KALRN: variants seen among roughly 807,000 people sequenced by gnomAD.
The protein encoded by KALRN is kalirin.
A neutral mutation model predicts 353.7 loss-of-function variants in KALRN; 70 were observed. The ratio of observed to expected loss-of-function variants is 0.20; its 90% CI spans 0.16 to 0.24. The LOEUF (loss-of-function observed/expected upper bound fraction) is 0.24. KALRN is among the 10% of genes least tolerant of loss of function. The pLI is 1.00. For synonymous variants in KALRN, 1,391 were observed against 1,434.8 expected (o/e 0.97, Z 0.69); for missense variants, 2,791 against 3,756.7 (o/e 0.74, Z 6.72).
chr3:124,576,279 G>T (rs1410475450), intron 34 of KALRN, among the ~76,000 whole-genome samples: 2 of 151,846 alleles, frequency 1.3e-5, no homozygotes, highest in Non-Finnish European at 2.9e-5. Context: ...ACCAATACAG[G>T]GATTTTGTCT....
intron 33 of KALRN, among the ~76,000 whole-genome samples, chr3:124,550,478 G>C (rs777446547): frequency 1.3e-5 from 2 of 152,114 alleles, no homozygotes; most frequent in Non-Finnish European, 1.5e-5. Context: ...GCCACCTACT[G>C]TATGCAATTT....
At position 124,528,204 on chromosome 3, in the gene KALRN, G is replaced by T. The variant is rs77910646; in HGVS notation, c.4935+31791G>T. Among the ~76,000 whole-genome samples the T allele has an allele frequency of 1.8e-4, 27 of 152,294 alleles. No homozygotes were observed. In the East Asian group the frequency reaches 5.0e-3, roughly 28 times the overall value. ...AATGCCTGCATGGAGACCCACCATG[G>T]TAACTAGTACAAGGACAGAGAAAGT... On this transcript the variant is annotated intron_variant, in intron 33 of 59. Transcript: ENST00000682506.
chr3:124,673,972 T>C lies in KALRN; in HGVS notation c.6943-392T>C, dbSNP rs111337320. On this transcript the variant is annotated intron_variant, in intron 48 of 59. Coordinates refer to ENST00000682506, the MANE Select transcript of KALRN (RefSeq NM_001388419.1). ...CCGTGTTCTTTCCATTGAAGGATTG[T>C]GACCCCTGACATGACACTTGCCCTG... Among the ~76,000 whole-genome samples the C allele has an allele frequency of 4.0e-3, 616 of 152,276 alleles. 3 individuals carry two copies. The highest frequency in any genetic ancestry group is 0.014 in the Middle Eastern group (4 of 294).
intron 5 of KALRN, among the ~76,000 whole-genome samples, chr3:124,294,797 C>T (rs553074365): frequency 6.6e-6 from 1 of 152,060 alleles, no homozygotes; most frequent in African/African-American, 2.4e-5. Flanking sequence ...CCAGGAGAAT[C>T]AACAAAACTA....
intron 10 of KALRN, among the ~76,000 whole-genome samples, chr3:124,361,347 T>G (rs2084015367): frequency 6.6e-6 from 1 of 152,252 alleles, no homozygotes; most frequent in African/African-American, 2.4e-5. Flanking sequence ...ATCCACCCAC[T>G]TGGTTGTCTA....
intron 15 of KALRN, among the ~76,000 whole-genome samples, chr3:124,427,652 C>A (rs76357492): frequency 0.052 from 7,944 of 152,272 alleles, 698 homozygotes; most frequent in African/African-American, 0.18. Context: ...ATCTTCATGT[C>A]CAGTTCCCCC....
intron 3 of KALRN, among the ~76,000 whole-genome samples, chr3:124,246,495 C>T (rs1174952553): frequency 1.6e-4 from 25 of 152,126 alleles, no homozygotes; most frequent in East Asian, 3.9e-4. Context: ...TTTAGTTTTG[C>T]CTCTGGATGT....
At chr3:124,239,187 C>T (rs549077553) in intron 3 of KALRN, among the ~76,000 whole-genome samples, 1 of 152,174 alleles carries the variant, frequency 6.6e-6, no homozygotes, top group African/African-American at 2.4e-5. Flanking sequence ...GATGAATGTC[C>T]CTAGAAATTG....
intron 34 of KALRN, among the ~76,000 whole-genome samples, chr3:124,603,990 A>G (rs2077063517): frequency 6.6e-6 from 1 of 152,078 alleles, no homozygotes; most frequent in Admixed American, 6.5e-5. Flanking sequence ...ACATCAGCTC[A>G]CACATGTGAT....
At chr3:124,326,990 G>A (rs958380565) in intron 7 of KALRN, among the ~76,000 whole-genome samples, 3 of 152,012 alleles carry the variant, frequency 2.0e-5, no homozygotes, top group African/African-American at 4.8e-5. Context: ...TGGAAATACC[G>A]TACAATTGTG....
intron 3 of KALRN, among the ~76,000 whole-genome samples, chr3:124,236,262 A>G (rs2079747723): frequency 6.6e-6 from 1 of 152,236 alleles, no homozygotes; most frequent in African/African-American, 2.4e-5. Context: ...TGAGTGCATG[A>G]AACAATGAAT....
At chr3:124,086,757 C>T (rs569799179) in intron 1 of KALRN, among the ~76,000 whole-genome samples, 3 of 152,024 alleles carry the variant, frequency 2.0e-5, no homozygotes, top group African/African-American at 7.2e-5. Context: ...TTTATATGAC[C>T]CCTATACCTG....
At chr3:124,579,810 G>A (rs1299783752) in intron 34 of KALRN, among the ~76,000 whole-genome samples, 1 of 152,144 alleles carries the variant, frequency 6.6e-6, no homozygotes, top group Non-Finnish European at 1.5e-5. Flanking sequence ...TTCTTGCTAA[G>A]ATCACAAGGT....
intron 28 of KALRN, among the ~76,000 whole-genome samples, chr3:124,487,038 A>C (rs1422656834): frequency 6.6e-6 from 1 of 152,192 alleles, no homozygotes; most frequent in Non-Finnish European, 1.5e-5. Flanking sequence ...CGTGTTTACA[A>C]GATTTGATCT....
intron 13 of KALRN, among the ~76,000 whole-genome samples, chr3:124,401,029 C>G (rs754587672): frequency 3.9e-5 from 6 of 152,182 alleles, no homozygotes; most frequent in Non-Finnish European, 7.3e-5. Flanking sequence ...CGACTACACC[C>G]CTCACATCAG....
At chr3:124,557,691 G>A (rs867164063) in intron 33 of KALRN, among the ~76,000 whole-genome samples, 8 of 152,292 alleles carry the variant, frequency 5.3e-5, no homozygotes, top group African/African-American at 1.7e-4. Context: ...TAAGAGTTGT[G>A]GAGGAATCAG....
At chr3:124,327,161 A>G (rs1485235408) in intron 7 of KALRN, among the ~76,000 whole-genome samples, 1 of 152,206 alleles carries the variant, frequency 6.6e-6, no homozygotes, top group African/African-American at 2.4e-5. Context: ...TAAGAAAATG[A>G]GGGAGAAAGT....
chr3:124,597,214 A>G (rs1439422760), intron 34 of KALRN, among the ~76,000 whole-genome samples: 3 of 152,232 alleles, frequency 2.0e-5, no homozygotes, highest in African/African-American at 4.8e-5. Context: ...AAATATTTGA[A>G]TACTGTGTGG....
At chr3:124,161,570 A>G (rs1021799566) in intron 1 of KALRN, among the ~76,000 whole-genome samples, 5 of 152,232 alleles carry the variant, frequency 3.3e-5, no homozygotes, top group South Asian at 4.1e-4. Context: ...ATTTGCATCT[A>G]TAGTACAGAA....
Sources: gnomAD v4.1 joint callset for allele counts (sites outside exome capture counted in the v4.1 genomes callset) on GRCh38, gnomAD v4.1.1 for gene constraint, MANE v1.5 for transcripts, NCBI Gene and HGNC (gene_info 2026-07-23, HGNC 2026-07-21) for gene names.